Variants in CARF observed in about 807,000 individuals in gnomAD.
The protein encoded by CARF is calcium responsive transcription factor.
A neutral mutation model predicts 82.0 loss-of-function variants in CARF; 57 were observed. The ratio of observed to expected loss-of-function variants is 0.70; its 90% CI spans 0.56 to 0.87. The LOEUF is 0.87. Ranked by LOEUF, CARF falls within the 40% of genes least tolerant of loss-of-function variation. CARF has a pLI of 0.00. For missense variants in CARF, 771 were observed against 855.8 expected (o/e 0.90, Z 1.24); for synonymous variants, 268 against 290.1 (o/e 0.92, Z 0.77).
At position 202,974,330 on chromosome 2, in the gene CARF, A is replaced by C. The variant is rs2059937040; in HGVS notation, c.1332-4A>C. ...GTCTTTATTCCATTTTGTATTCTTT[A>C]CAGAAAATTTGTGGAAAGGGAACTG... On this transcript the variant is annotated splice_region_variant and splice_polypyrimidine_tract_variant and intron_variant, in intron 12 of 16. Coordinates refer to ENST00000438828, the MANE Select transcript of CARF (RefSeq NM_024744.17). 1 of 1,574,984 alleles carries C rather than the reference A, an allele frequency of 6.3e-7. No homozygotes were observed. Among genetic ancestry groups the C allele is most frequent in the Non-Finnish European group, 8.6e-7 (1 of 1,168,570 alleles).
chr2:202,978,001 AT>A (rs1412723898), intron 14 of CARF, among the ~76,000 whole-genome samples: 2 of 152,124 alleles, frequency 1.3e-5, no homozygotes, highest in Admixed American at 1.3e-4. Context: ...GCACGCCACC[AT>A]ACCTGGCTAA....
At chr2:202,929,625 C>G (rs1026214863) in intron 3 of CARF, among the ~76,000 whole-genome samples, 2 of 152,160 alleles carry the variant, frequency 1.3e-5, no homozygotes, top group Non-Finnish European at 2.9e-5. Context: ...TATGATGCTT[C>G]TAGCTTTGTT....
In CARF at chr2:202,975,177, C is replaced by T. The variant is rs184109147; in HGVS notation, c.1494+681C>T. On this transcript the variant is annotated intron_variant, in intron 13 of 16. Coordinates refer to ENST00000438828, the MANE Select transcript of CARF (RefSeq NM_024744.17). ...AATACAAAAAATAGCTGGGTGTGGCCGGGCTCAGTGGCTCACGCCTGTAAT... is the reference window on the plus strand; with the variant it reads ...AATACAAAAAATAGCTGGGTGTGGCTGGGCTCAGTGGCTCACGCCTGTAAT... Among the ~76,000 whole-genome samples, 1,022 of 151,894 alleles carry T rather than the reference C, an allele frequency of 6.7e-3. 7 individuals carry two copies. Among genetic ancestry groups the T allele is most frequent in the Middle Eastern group, 0.014 (4 of 288 alleles).
chr2:202,973,802 G>A (rs1337444688), intron 12 of CARF, among the ~76,000 whole-genome samples: 1 of 152,102 alleles, frequency 6.6e-6, no homozygotes, highest in East Asian at 1.9e-4. Flanking sequence ...AAATATCAAA[G>A]CTCAGCTGGG....
Position 202,918,336 on chromosome 2 carries a change from C to T in CARF, c.-163+293C>T, listed in dbSNP as rs1287940468. ...GAGATTGAGACCATCCTGGCTAACA[C>T]GGTGAAACCCCGTCTCTACTAAAAT... On this transcript the variant is annotated intron_variant, in intron 2 of 16. Coordinates refer to ENST00000438828, the MANE Select transcript of CARF (RefSeq NM_024744.17). Among the ~76,000 whole-genome samples the T allele has an allele frequency of 5.3e-5, 8 of 152,096 alleles. No homozygotes were observed. The East Asian group carries it at 1.4e-3, about 26-fold the overall frequency.
chr2:202,919,565 G>A (rs1377651372), intron 2 of CARF, among the ~76,000 whole-genome samples: 3 of 152,202 alleles, frequency 2.0e-5, no homozygotes, highest in South Asian at 2.1e-4. Context: ...GGGTGGTGTC[G>A]GAGATAGAGT....
At position 202,983,653 on chromosome 2, in the gene CARF, T is replaced by C. The variant is rs2060353161; in HGVS notation, c.*29T>C. On this transcript the variant is annotated 3_prime_UTR_variant, in exon 17 of 17. Transcript: ENST00000438828. ...ATTGAAGCTTTTCAGAATTTACAAC[T>C]CTGGTGACTTCTGATGTCTTAGAAA... 1 of 1,324,838 alleles carries C rather than the reference T, an allele frequency of 7.5e-7. No homozygotes were observed. The allele number at this position is 1,324,838 out of a possible 1,614,324, so 82.1% of individuals were successfully genotyped here. A position where few individuals can be genotyped will look rare whatever the true frequency, so the allele number is the denominator to read the frequency against.
intron 1 of CARF, among the ~76,000 whole-genome samples, chr2:202,914,048 T>C (rs981596934): frequency 6.6e-6 from 1 of 152,224 alleles, no homozygotes; most frequent in Non-Finnish European, 1.5e-5. Context: ...ACGGTTTTTT[T>C]CAACAATGAT....
intron 8 of CARF, among the ~76,000 whole-genome samples, chr2:202,957,454 C>G (rs1410577766): frequency 6.6e-6 from 1 of 152,136 alleles, no homozygotes; most frequent in African/African-American, 2.4e-5. Context: ...TTGACAGATA[C>G]TCCAGAATTT....
At chr2:202,972,674 T>TAAA (rs35376227) in intron 12 of CARF, among the ~76,000 whole-genome samples, 23,097 of 102,538 alleles carry the variant, frequency 0.23, 3,168 homozygotes, top group East Asian at 0.46. Flanking sequence ...AGACTCCGTC[T>TAAA]AAAAAAAAAA....
At chr2:202,954,884 G>A (rs2058961557) in intron 7 of CARF, among the ~76,000 whole-genome samples, 2 of 151,298 alleles carry the variant, frequency 1.3e-5, no homozygotes, top group South Asian at 2.1e-4. Context: ...CGTGGTGGCC[G>A]GCGCCTGTAG....
intron 9 of CARF, among the ~76,000 whole-genome samples, chr2:202,964,886 T>G (rs1234118376): frequency 2.2e-5 from 3 of 136,600 alleles, no homozygotes; most frequent in African/African-American, 9.8e-5. Flanking sequence ...TATATGTGTA[T>G]ATATATATAT....
intron 3 of CARF, chr2:202,925,719 T>C (rs1027948445): frequency 5.6e-5 from 10 of 177,852 alleles, no homozygotes; most frequent in Middle Eastern, 2.6e-3. Context: ...GAAGCCATCC[T>C]CCAGAGAGCC....
chr2:202,953,945 A>G (rs2058894794), intron 6 of CARF, 60 bp from the exon 7 acceptor site: 2 of 1,454,396 alleles, frequency 1.4e-6, no homozygotes, highest in Non-Finnish European at 9.2e-7. Flanking sequence ...TTAGTTAGGT[A>G]TATTCTTATG....
At position 202,941,918 on chromosome 2, in the gene CARF, GATT is replaced by G; in HGVS notation, c.17_19del (p.Asp6_Ser7delinsAla). 6.2e-7 allele frequency: 1 copy of G among 1,612,426 alleles called. No homozygotes were observed. Among genetic ancestry groups the G allele is most frequent in the Non-Finnish European group, 8.5e-7 (1 of 1,178,790 alleles). Reference sequence around the variant, plus strand: ...TGATGTCAGCATGGAACAATCTAATGATTCATTAAGAGTCAACCATAATGACGG... The same window carrying G: ...TGATGTCAGCATGGAACAATCTAATGCATTAAGAGTCAACCATAATGACGG... On this transcript the variant is annotated inframe_deletion, in exon 4 of 17. Transcript: ENST00000438828.
intron 1 of CARF, among the ~76,000 whole-genome samples, chr2:202,916,596 C>G (rs1689710211): frequency 6.6e-6 from 1 of 152,176 alleles, no homozygotes; most frequent in Non-Finnish European, 1.5e-5. Flanking sequence ...GAAACAACTT[C>G]AAGCTGCTTT....
Position 202,942,852 on chromosome 2 carries a change from C to G in CARF, c.191C>G (p.Pro64Arg). Residue 64 changes from proline (P) to arginine (R), a missense_variant, in exon 5 of 17, where the codon CCA becomes CGA. Physicochemically the swap from Pro to Arg is moderately radical, Grantham distance 103 (BLOSUM62 -2). Coordinates refer to ENST00000438828, the MANE Select transcript of CARF (RefSeq NM_024744.17). ...AATTCACTCATATCACAGAATATAC[C>G]AGGGCCCCTGACTCAGACACAGACT... The part of the protein sequence containing the change: ...ANNSLISQNI[P>R]GPLTQTQTLS... 1 of 1,614,008 alleles carries G rather than the reference C, an allele frequency of 6.2e-7. No individual in the cohort carries two copies. Among genetic ancestry groups the G allele is most frequent in the Non-Finnish European group, 8.5e-7 (1 of 1,179,986 alleles).
At chr2:202,943,587 T>TACACACACACACAC (rs754214990) in intron 5 of CARF, among the ~76,000 whole-genome samples, 3,002 of 115,018 alleles carry the variant, frequency 0.026, 72 homozygotes, top group African/African-American at 0.063. Flanking sequence ...TAATGGAATG[T>TACACACACACACAC]ACACACACAC....
At chr2:202,926,098 A>G (rs1024877307) in intron 3 of CARF, among the ~76,000 whole-genome samples, 15 of 152,116 alleles carry the variant, frequency 9.9e-5, no homozygotes, top group African/African-American at 3.6e-4. Flanking sequence ...TCCTGCAATG[A>G]ATGCCACTGC....
Sources: gnomAD v4.1 joint callset for allele counts (sites outside exome capture counted in the v4.1 genomes callset) on GRCh38, gnomAD v4.1.1 for gene constraint, MANE v1.5 for transcripts, NCBI Gene and HGNC (gene_info 2026-07-23, HGNC 2026-07-21) for gene names.